Variants in TLK2 observed in about 807,000 individuals in gnomAD.
TLK2 encodes the protein serine/threonine-protein kinase tousled-like 2.
Under a neutral mutation model 117.3 loss-of-function variants are expected in TLK2, and 6 were observed. The observed-to-expected ratio is 0.05, with a 90% CI of 0.03 to 0.10. The LOEUF (loss-of-function observed/expected upper bound fraction) is 0.10, where lower values mean the gene tolerates loss of function less well. TLK2 is among the 10% of genes least tolerant of loss of function. The pLI is 1.00. For missense variants in TLK2, 299 were observed against 901.2 expected, an observed-to-expected ratio of 0.33 and a Z score of 8.56; for synonymous variants, 257 against 316.7, an observed-to-expected ratio of 0.81 and a Z score of 2.00.
chr17:62,520,404 C>T (rs528709646), intron 2 of TLK2, among the ~76,000 whole-genome samples: 6 of 152,196 alleles, frequency 3.9e-5, no homozygotes, highest in South Asian at 2.1e-4. Context: ...GGGATGGGTG[C>T]GGTGGCTCAC....
intron 10 of TLK2, among the ~76,000 whole-genome samples, chr17:62,562,292 G>C (rs965888436): frequency 6.6e-6 from 1 of 152,132 alleles, no homozygotes; most frequent in Admixed American, 6.5e-5. Flanking sequence ...CCTGGGAGGC[G>C]GAGATTGCAG....
At chr17:62,589,246 A>G (rs2081894750) in intron 16 of TLK2, among the ~76,000 whole-genome samples, 1 of 152,208 alleles carries the variant, frequency 6.6e-6, no homozygotes, top group East Asian at 1.9e-4. Context: ...ATAACATATT[A>G]AAAATTCTGC....
intron 7 of TLK2, among the ~76,000 whole-genome samples, chr17:62,547,846 C>T (rs1567894415): frequency 6.6e-6 from 1 of 152,060 alleles, no homozygotes; most frequent in Non-Finnish European, 1.5e-5. Context: ...CTCTATCCAG[C>T]ACAGACAGAC....
intron 7 of TLK2, among the ~76,000 whole-genome samples, chr17:62,537,855 A>T (rs992490494): frequency 6.6e-6 from 1 of 152,258 alleles, no homozygotes; most frequent in South Asian, 2.1e-4. Flanking sequence ...GGAAATATAC[A>T]TACTTTAAAA....
In TLK2 at chr17:62,574,293, C is replaced by G. The variant is rs2146637188; in HGVS notation, c.1121+926C>G. 2.0e-6 allele frequency: 3 copies of G among 1,533,248 alleles called. No individual in the cohort carries two copies. In the East Asian group the frequency reaches 7.3e-5, roughly 38 times the overall value. 95.0% of individuals were successfully genotyped at this position (1,533,248 alleles called of 1,614,324 possible). A position where few individuals can be genotyped will look rare whatever the true frequency, so the allele number is the denominator to read the frequency against. On this transcript the variant is annotated intron_variant, in intron 12 of 21. Transcript: ENST00000346027. ...ACATATCTGATGTTTTGGGAAGTCT[C>G]TTCCTTGATGTTCGTTTAGTAAGTT...
intron 11 of TLK2, among the ~76,000 whole-genome samples, chr17:62,570,222 C>T (rs181058390): frequency 6.6e-6 from 1 of 152,246 alleles, no homozygotes; most frequent in East Asian, 1.9e-4. Flanking sequence ...GGGACACAAC[C>T]CATAATGGTG....
intron 11 of TLK2, among the ~76,000 whole-genome samples, chr17:62,571,484 C>T (rs1363537808): frequency 6.6e-6 from 1 of 151,624 alleles, no homozygotes; most frequent in Non-Finnish European, 1.5e-5. Context: ...GGAGAGCCAT[C>T]CTTATATGTG....
intron 2 of TLK2, among the ~76,000 whole-genome samples, chr17:62,519,250 A>G (rs1026045698): frequency 2.0e-5 from 3 of 152,152 alleles, no homozygotes; most frequent in Non-Finnish European, 4.4e-5. Flanking sequence ...GCCTGTGGCT[A>G]TCTACTCCTG....
At chr17:62,504,147 G>C (rs1023374940) in intron 2 of TLK2, among the ~76,000 whole-genome samples, 1 of 152,138 alleles carries the variant, frequency 6.6e-6, no homozygotes, top group Non-Finnish European at 1.5e-5. Flanking sequence ...TGGTTGGTTG[G>C]TTAAAATTTC....
chr17:62,540,026 C>T (rs1458969522), intron 7 of TLK2, among the ~76,000 whole-genome samples: 1 of 151,570 alleles, frequency 6.6e-6, no homozygotes, highest in East Asian at 1.9e-4. Context: ...CTACAGCTGC[C>T]TTTCTCCTCC....
chr17:62,493,903 G>A (rs754659488), intron 2 of TLK2, among the ~76,000 whole-genome samples: 2 of 152,024 alleles, frequency 1.3e-5, no homozygotes, highest in Non-Finnish European at 2.9e-5. Context: ...GATTACAGGT[G>A]CCCACCACCA....
rs955459382 is a variant in TLK2, at chr17:62,612,785, G to T, written c.*220G>T. ...GCCAGGCCTTGTAGGAAAAGGCCCC[G>T]CCCGAGGTTCCAGCGTCAACGGCCA... is the stretch of plus-strand genomic sequence containing the variant. On this transcript the variant is annotated 3_prime_UTR_variant, in exon 22 of 22. Transcript: ENST00000346027. 3 of 378,914 alleles carry T rather than the reference G, an allele frequency of 7.9e-6. No individual in the cohort carries two copies. The highest frequency in any genetic ancestry group is 1.4e-5 in the Non-Finnish European group (3 of 213,902). 23.5% of individuals were successfully genotyped at this position (378,914 alleles called of 1,614,324 possible).
At chr17:62,519,069 G>C (rs2075844127) in intron 2 of TLK2, among the ~76,000 whole-genome samples, 1 of 152,092 alleles carries the variant, frequency 6.6e-6, no homozygotes. Flanking sequence ...ATTTTTGGTA[G>C]AGATGGGGTT....
chr17:62,589,778 G>A (rs1473233119), intron 16 of TLK2, among the ~76,000 whole-genome samples: 1 of 152,078 alleles, frequency 6.6e-6, no homozygotes, highest in Admixed American at 6.5e-5. Flanking sequence ...ACAGTGATCT[G>A]TTTAGTCCCT....
At chr17:62,604,742 A>G (rs1322605247) in intron 19 of TLK2, among the ~76,000 whole-genome samples, 14 of 149,772 alleles carry the variant, frequency 9.3e-5, no homozygotes, top group Admixed American at 9.3e-4. Context: ...AACCCCGTGT[A>G]TACTAAAAAT....
rs116680863 is a variant in TLK2 at position 62,611,466 on chromosome 17, G to A, written c.2080-926G>A. On this transcript the variant is annotated intron_variant, in intron 21 of 21. Coordinates refer to ENST00000346027, the MANE Select transcript of TLK2 (RefSeq NM_006852.6). ...GCATTTTTAGGCTCATAGCAAAACTGAAAGTATAGAGTTCCCTTATACCGC... is the reference window on the plus strand; with the variant it reads ...GCATTTTTAGGCTCATAGCAAAACTAAAAGTATAGAGTTCCCTTATACCGC... Among the ~76,000 whole-genome samples, 492 of 152,216 alleles carry A rather than the reference G, an allele frequency of 3.2e-3. 3 individuals are homozygous for A. The highest frequency in any genetic ancestry group is 0.011 in the African/African-American group (472 of 41,524).
chr17:62,513,416 A>G (rs1203012639), intron 2 of TLK2, among the ~76,000 whole-genome samples: 1 of 142,294 alleles, frequency 7.0e-6, no homozygotes, highest in Admixed American at 7.5e-5. Flanking sequence ...TTGCACTCGC[A>G]CTCCTGAGCT....
At chr17:62,565,600 C>T (rs1186335807) in intron 11 of TLK2, among the ~76,000 whole-genome samples, 3 of 134,670 alleles carry the variant, frequency 2.2e-5, no homozygotes, top group Non-Finnish European at 3.0e-5. Flanking sequence ...TGCAGTGAGC[C>T]GAGATCGTAC....
At chr17:62,473,021 C>T (rs1205761749) in intron 1 of TLK2, among the ~76,000 whole-genome samples, 1 of 152,178 alleles carries the variant, frequency 6.6e-6, no homozygotes, top group East Asian at 1.9e-4. Context: ...TAACAAACAG[C>T]CAAGCCCCCA....
Sources: gnomAD v4.1 joint callset for allele counts (sites outside exome capture counted in the v4.1 genomes callset) on GRCh38, gnomAD v4.1.1 for gene constraint, MANE v1.5 for transcripts, NCBI Gene and HGNC (gene_info 2026-07-23, HGNC 2026-07-21) for gene names.